JRK: variants seen among roughly 807,000 people sequenced by gnomAD.
The protein encoded by JRK is jerky protein homolog.
For missense variants in JRK, 720 were observed against 509.2 expected, an observed-to-expected ratio of 1.41 and a Z score of -3.98; for synonymous variants, 303 against 218.1, an observed-to-expected ratio of 1.39 and a Z score of -3.43.
At position 142,659,321 on chromosome 8, in the gene JRK, A is replaced by T; in HGVS notation, c.*5031T>A. The T allele has an allele frequency of 1.0e-6, 1 of 1,002,474 alleles. No individual in the cohort carries two copies. The highest frequency in any genetic ancestry group is 1.2e-6 in the Non-Finnish European group (1 of 840,446). 62.1% of individuals were successfully genotyped at this position (1,002,474 alleles called of 1,614,324 possible). A position where few individuals can be genotyped will look rare whatever the true frequency, so the allele number is the denominator to read the frequency against. ...CCTGACCCCAGAGCAGACCATGCTG[A>T]CACTGGGCAACACATTCCCTGCTCT... On this transcript the variant is annotated 3_prime_UTR_variant, in exon 2 of 2. Coordinates refer to ENST00000612905, the MANE Select transcript of JRK (RefSeq NM_003724.4).
the JRK span, among the ~76,000 whole-genome samples, chr8:142,643,689 A>G: frequency 1.3e-5 from 2 of 152,208 alleles, no homozygotes; most frequent in African/African-American, 4.8e-5. Flanking sequence ...CAGTTTTCCC[A>G]AGGGGCTTTT....
At chr8:142,645,812 T>C in the JRK span, among the ~76,000 whole-genome samples, 10 of 152,246 alleles carry the variant, frequency 6.6e-5, no homozygotes, top group Admixed American at 2.0e-4. Context: ...TAGGACTAAA[T>C]TGATCATACA....
rs1847001290 is a variant in JRK, at chr8:142,664,035, C to G, written c.*317G>C. On this transcript the variant is annotated 3_prime_UTR_variant, in exon 2 of 2. Coordinates refer to ENST00000612905, the MANE Select transcript of JRK (RefSeq NM_003724.4). ...CAATGATCAGCCAGCGAACACGAGA[C>G]CAGATCGGCTCAGCCTGGCCCCCAT... 1 of 1,164,226 alleles carries G rather than the reference C, an allele frequency of 8.6e-7. No individual in the cohort carries two copies. The highest frequency in any genetic ancestry group is 4.0e-5 in the East Asian group (1 of 24,786). The allele number at this position is 1,164,226 out of a possible 1,614,324, so 72.1% of individuals were successfully genotyped here. A position where few individuals can be genotyped will look rare whatever the true frequency, so the allele number is the denominator to read the frequency against.
At chr8:142,653,574 A>G (rs1432823181), downstream of JRK, among the ~76,000 whole-genome samples, 4 of 151,226 alleles carry the variant, frequency 2.6e-5, no homozygotes, top group Non-Finnish European at 5.9e-5. Context: ...AAGAGGTCTC[A>G]CTATGTTGCC....
At position 142,665,788 on chromosome 8, in the gene JRK, G is replaced by A. The variant is rs192430225; in HGVS notation, c.271C>T (p.Arg91Cys). The A allele has an allele frequency of 3.2e-5, 25 of 778,362 alleles. No homozygotes were observed. Among genetic ancestry groups the A allele is most frequent in the African/African-American group, 1.4e-4 (8 of 59,254 alleles). The allele number at this position is 778,362 out of a possible 1,614,324, so 48.2% of individuals were successfully genotyped here. ...CCCAGGAACCACTCGTACAGGACGC[G>A]GTCCAGGTGCTCCAGCTTGGGCGTG... ...LHTPKLEHLD[R>C]VLYEWFLGKR... Residue 91 changes from arginine to cysteine, a missense_variant, in exon 2 of 2, where the codon CGC becomes TGC. Arg to Cys is a radical substitution (Grantham distance 180). Transcript: ENST00000612905.
the JRK span, among the ~76,000 whole-genome samples, chr8:142,651,043 G>A: frequency 6.6e-6 from 1 of 151,826 alleles, no homozygotes; most frequent in South Asian, 2.1e-4. Flanking sequence ...ACTATTTTAG[G>A]TCCCCCGTGC....
rs1170539188 is a variant in JRK, at chr8:142,663,085, C to T, written c.*1267G>A. ...GGAGGATCACTCAAGCCAGGGAGGT[C>T]GAGGCTGCAGTGAGCTGGGATCACA... On this transcript the variant is annotated 3_prime_UTR_variant, in exon 2 of 2. Transcript: ENST00000612905. 3.4e-6 allele frequency: 3 copies of T among 890,372 alleles called. No individual in the cohort carries two copies. The highest frequency in any genetic ancestry group is 4.0e-6 in the Non-Finnish European group (3 of 743,424). The allele number at this position is 890,372 out of a possible 1,614,324, so 55.2% of individuals were successfully genotyped here. A position where few individuals can be genotyped will look rare whatever the true frequency, so the allele number is the denominator to read the frequency against.
rs1587530911 is a variant in JRK, at chr8:142,666,075, T to G, written c.-17A>C. 1.9e-6 allele frequency: 3 copies of G among 1,599,676 alleles called. No individual in the cohort carries two copies. Among genetic ancestry groups the G allele is most frequent in the Non-Finnish European group, 2.6e-6 (3 of 1,173,900 alleles). On this transcript the variant is annotated 5_prime_UTR_variant, in exon 2 of 2. Transcript: ENST00000612905. ...GGAGGCCATGGGGAGGGGTGGCTGG[T>G]CCTAGCACTTGCAGGACACACGCCT...
chr8:142,663,555 AGCCAAAAT>A lies in JRK; in HGVS notation c.*789_*796del. The A allele has an allele frequency of 3.0e-6, 3 of 985,500 alleles. No individual in the cohort carries two copies. The highest frequency in any genetic ancestry group is 3.6e-6 in the Non-Finnish European group (3 of 829,946). 61.0% of individuals were successfully genotyped at this position (985,500 alleles called of 1,614,324 possible). A position where few individuals can be genotyped will look rare whatever the true frequency, so the allele number is the denominator to read the frequency against. ...GGGCAACATGGTACATTGGACTCTG[AGCCAAAAT>A]GCCAAAATACCACACAGGGTCCGTG... On this transcript the variant is annotated 3_prime_UTR_variant, in exon 2 of 2. Transcript: ENST00000612905.
In JRK at chr8:142,663,499, A is replaced by G; in HGVS notation, c.*853T>C. On this transcript the variant is annotated 3_prime_UTR_variant, in exon 2 of 2. Coordinates refer to ENST00000612905, the MANE Select transcript of JRK (RefSeq NM_003724.4). ...ATCTCTGAATGTCTGATCAAGACGT[A>G]TTCATGTAAAGGCCATAAGTATGAA... is the stretch of plus-strand genomic sequence containing the variant. 1.0e-6 allele frequency: 1 copy of G among 985,484 alleles called. No individual in the cohort carries two copies. Among genetic ancestry groups the G allele is most frequent in the African/African-American group, 1.7e-5 (1 of 57,382 alleles). 61.0% of individuals were successfully genotyped at this position (985,484 alleles called of 1,614,324 possible). A position where few individuals can be genotyped will look rare whatever the true frequency, so the allele number is the denominator to read the frequency against.
rs1430780320 is a variant in JRK, at chr8:142,666,036, C to T, written c.23G>A (p.Gly8Glu). MASKPAAGKSRGEKRKRV... is the reference protein window; with the variant it reads MASKPAAEKSRGEKRKRV... ...CTTCCGCTTCTCCCCTCTGCTCTTC[C>T]CGGCAGCCGGCTTGGAGGCCATGGG... Residue 8 changes from glycine to glutamate, a missense_variant, in exon 2 of 2, where the codon GGG becomes GAG. Transcript: ENST00000612905. 6.3e-7 allele frequency: 1 copy of T among 1,591,148 alleles called. No individual in the cohort carries two copies. Among genetic ancestry groups the T allele is most frequent in the East Asian group, 2.2e-5 (1 of 44,744 alleles).
downstream of JRK, among the ~76,000 whole-genome samples, chr8:142,653,158 G>A (rs587611081): frequency 6.6e-6 from 1 of 152,290 alleles, no homozygotes; most frequent in South Asian, 2.1e-4. Flanking sequence ...AACTTTGGGA[G>A]AAATTTAGTT....
At chr8:142,646,008 TAGA>T in the JRK span, among the ~76,000 whole-genome samples, 2 of 151,948 alleles carry the variant, frequency 1.3e-5, no homozygotes, top group Non-Finnish European at 2.9e-5. Flanking sequence ...CACTTTTTTT[TAGA>T]AAGAATGTTT....
the JRK span, among the ~76,000 whole-genome samples, chr8:142,649,462 T>G: frequency 6.6e-6 from 1 of 152,256 alleles, no homozygotes; most frequent in Non-Finnish European, 1.5e-5. Flanking sequence ...GAAGTTCCCC[T>G]GCACATGTTA....
chr8:142,661,171 A>G lies in JRK; in HGVS notation c.*3181T>C, dbSNP rs1412659076. On this transcript the variant is annotated 3_prime_UTR_variant, in exon 2 of 2. Transcript: ENST00000612905. ...GGCAAGGTCTGCTCTAGACCCTCCT[A>G]TGCAGGAGACAGACAACTTCCAGGA... The G allele has an allele frequency of 5.1e-6, 5 of 985,362 alleles. No individual in the cohort carries two copies. The highest frequency in any genetic ancestry group is 1.7e-5 in the African/African-American group (1 of 57,230). 61.0% of individuals were successfully genotyped at this position (985,362 alleles called of 1,614,324 possible).
Position 142,664,499 on chromosome 8 carries a change from G to C in JRK, c.1560C>G (p.Ala520=). ...TCACCTGCTGCTGGCTCCGGAACACGGCACGCAGCGCCCGCAGCTGCCCCA... is the reference window on the plus strand; with the variant it reads ...TCACCTGCTGCTGGCTCCGGAACACCGCACGCAGCGCCCGCAGCTGCCCCA... The part of the protein sequence containing the change: ...QEVGQLRALR[A]VFRSQQQVRR... The change falls in exon 2 of 2, where the codon GCC becomes GCG. Residue 520 remains alanine, a synonymous_variant. Coordinates refer to ENST00000612905, the MANE Select transcript of JRK (RefSeq NM_003724.4). 1 of 1,609,866 alleles carries C rather than the reference G, an allele frequency of 6.2e-7. No homozygotes were observed. The highest frequency in any genetic ancestry group is 8.5e-7 in the Non-Finnish European group (1 of 1,178,678).
intron 1 of JRK, among the ~76,000 whole-genome samples, chr8:142,668,327 C>T (rs912640494): frequency 1.3e-5 from 2 of 152,222 alleles, no homozygotes; most frequent in Non-Finnish European, 2.9e-5. Context: ...TGGCTGCCAC[C>T]TCTGGGTGAG....
At chr8:142,652,731 C>T (rs77668153), downstream of JRK, among the ~76,000 whole-genome samples, 65 of 152,200 alleles carry the variant, frequency 4.3e-4, no homozygotes, top group African/African-American at 1.2e-3. Flanking sequence ...TTGGGAGCCC[C>T]AGTGTATTTT....
chr8:142,651,007 C>T, the JRK span, among the ~76,000 whole-genome samples: 4 of 152,092 alleles, frequency 2.6e-5, no homozygotes, highest in African/African-American at 9.7e-5. Context: ...CTTTAAGGAA[C>T]TCCACACTAT....
Sources: gnomAD v4.1 joint callset for allele counts (sites outside exome capture counted in the v4.1 genomes callset) on GRCh38, gnomAD v4.1.1 for gene constraint, MANE v1.5 for transcripts, NCBI Gene and HGNC (gene_info 2026-07-23, HGNC 2026-07-21) for gene names.